PCDH15: variants seen among roughly 807,000 people sequenced by gnomAD.
The protein encoded by PCDH15 is protocadherin related 15.
PCDH15 carries 129 observed loss-of-function variants against 178.5 expected under a neutral mutation model. That is an observed-to-expected ratio of 0.72 (90% CI 0.63 to 0.84). PCDH15 has a LOEUF of 0.84. Ranked by LOEUF, PCDH15 falls within the 40% of genes least tolerant of loss-of-function variation. The probability of loss-of-function intolerance (pLI) is 0.00; values close to 1 mark genes in which losing one functional copy is unlikely to be tolerated. For missense variants in PCDH15, 2,230 were observed against 2,099.9 expected (o/e 1.06, Z -1.21); for synonymous variants, 800 against 732.0 (o/e 1.09, Z -1.50).
intron 1 of PCDH15, among the ~76,000 whole-genome samples, chr10:55,252,738 C>T (rs1841871758): frequency 6.6e-6 from 1 of 151,944 alleles, no homozygotes; most frequent in Non-Finnish European, 1.5e-5. Flanking sequence ...AAATGTTTCA[C>T]TATATCCTCA....
At chr10:55,167,165 G>A (rs184597302) in intron 1 of PCDH15, among the ~76,000 whole-genome samples, 2 of 152,228 alleles carry the variant, frequency 1.3e-5, no homozygotes, top group East Asian at 3.9e-4. Context: ...CCAGATTGGA[G>A]TGCAGTGGCA....
rs1554869615 is a variant in PCDH15 at position 55,442,475 on chromosome 10, T to TA, written c.-156+185149dup. On this transcript the variant is annotated intron_variant, in intron 2 of 5. Coordinates refer to the PCDH15 transcript ENST00000613346. ...TTTGATTATATATATATATATTATATATATATTATATATATATATATATAT... is the reference window on the plus strand; with the variant it reads ...TTTGATTATATATATATATATTATATAATATATTATATATATATATATATAT... Among the ~76,000 whole-genome samples, 213 of 58,082 alleles carry TA rather than the reference T, an allele frequency of 3.7e-3. 3 individuals are homozygous for TA. The East Asian group carries it at 0.16, about 45-fold the overall frequency. 38.1% of individuals were successfully genotyped at this position (58,082 alleles called of 152,430 possible). A position where few individuals can be genotyped will look rare whatever the true frequency, so the allele number is the denominator to read the frequency against.
At chr10:54,749,087 C>A (rs1945849068) in intron 1 of PCDH15, among the ~76,000 whole-genome samples, 1 of 152,088 alleles carries the variant, frequency 6.6e-6, no homozygotes, top group Non-Finnish European at 1.5e-5. Context: ...ACATAATAAA[C>A]CTGATAGTGC....
chr10:54,045,849 A>C (rs2093644148), intron 18 of PCDH15, among the ~76,000 whole-genome samples: 1 of 152,068 alleles, frequency 6.6e-6, no homozygotes, highest in Admixed American at 6.6e-5. Context: ...TGATAATCTT[A>C]AAATTTAAAT....
chr10:54,941,672 G>C (rs1838066377), intron 2 of PCDH15, among the ~76,000 whole-genome samples: 1 of 151,900 alleles, frequency 6.6e-6, no homozygotes. Context: ...GTAATTTTTT[G>C]TTAAAACCTA....
intron 1 of PCDH15, among the ~76,000 whole-genome samples, chr10:54,680,821 C>T (rs1182139331): frequency 2.0e-5 from 3 of 152,160 alleles, no homozygotes; most frequent in Non-Finnish European, 2.9e-5. Context: ...GTCAATTAAA[C>T]CTCTTTCCTT....
intron 18 of PCDH15, among the ~76,000 whole-genome samples, chr10:54,029,614 T>C (rs762712844): frequency 6.6e-6 from 1 of 152,166 alleles, no homozygotes; most frequent in African/African-American, 2.4e-5. Flanking sequence ...TTAGAGTATA[T>C]GAAAGACAAC....
chr10:55,222,730 CATATATATATATATATATATATATATAT>C (rs142618720), intron 1 of PCDH15, among the ~76,000 whole-genome samples: 1 of 121,266 alleles, frequency 8.2e-6, no homozygotes, highest in Non-Finnish European at 1.7e-5. Context: ...CACACACACA[CATATATATATATATATATATATATATAT>C]ATATATATAT....
rs1257022357 is a variant in PCDH15, at chr10:53,803,782, T to C, written c.*2797A>G. 6.6e-6 allele frequency: 1 copy of C among 151,980 alleles called. No individual in the cohort carries two copies. The highest frequency in any genetic ancestry group is 1.5e-5 in the Non-Finnish European group (1 of 67,882). 9.4% of individuals were successfully genotyped at this position (151,980 alleles called of 1,614,324 possible). ...ACCTTCTAAAATCAACGGGTTGCAA[T>C]ATTAGTCATTACATCATTCTGTTCT... On this transcript the variant is annotated 3_prime_UTR_variant, in exon 38 of 38. Transcript: ENST00000644397.
intron 5 of PCDH15, among the ~76,000 whole-genome samples, chr10:54,364,612 CT>C (rs201811770): frequency 4.6e-5 from 7 of 151,780 alleles, no homozygotes; most frequent in African/African-American, 9.7e-5. Flanking sequence ...TGTTTCCTTG[CT>C]TTTTTTTCTT....
At chr10:54,469,846 A>G (rs2136658064) in intron 3 of PCDH15, among the ~76,000 whole-genome samples, 1 of 152,242 alleles carries the variant, frequency 6.6e-6, no homozygotes, top group African/African-American at 2.4e-5. Context: ...GGTGGCTGTG[A>G]CAGGCTGCAA....
chr10:55,315,409 C>A (rs1424175166), intron 1 of PCDH15, among the ~76,000 whole-genome samples: 1 of 152,022 alleles, frequency 6.6e-6, no homozygotes, highest in Non-Finnish European at 1.5e-5. Flanking sequence ...GATGACAAAA[C>A]CTTATTGAAA....
rs564867104 is a variant in PCDH15 at position 54,193,396 on chromosome 10, T to G, written c.1305+2287A>C. ...AACTACCTAACTTTAGATTTAGATT[T>G]TTCTAACCACCAGTTCTATTAAGGT... On this transcript the variant is annotated intron_variant, in intron 11 of 37. Transcript: ENST00000644397. 3.5e-4 allele frequency among the ~76,000 whole-genome samples: 53 copies of G among 152,208 alleles called. 1 individual carries two copies. Among genetic ancestry groups the G allele is most frequent in the Non-Finnish European group, 5.6e-4 (38 of 68,030 alleles).
chr10:53,971,905 CA>C (rs1329968936), intron 21 of PCDH15, among the ~76,000 whole-genome samples: 2 of 152,126 alleles, frequency 1.3e-5, no homozygotes, highest in Non-Finnish European at 2.9e-5. Flanking sequence ...ATCAAGCTAC[CA>C]ATGACTTTCT....
rs187690641 is a variant in PCDH15 at position 54,911,633 on chromosome 10, T to C, written c.-79-14133A>G. 1.0e-3 allele frequency among the ~76,000 whole-genome samples: 156 copies of C among 152,294 alleles called. 1 individual carries two copies. The highest frequency in any genetic ancestry group is 7.1e-4 in the Non-Finnish European group (48 of 68,010). On this transcript the variant is annotated intron_variant, in intron 2 of 5. Coordinates refer to the PCDH15 transcript ENST00000458638. ...TTTGAGTCCCTACCTAAATCTCATA[T>C]TGAATTGTAATCCCCAGGTGTCAAG...
At chr10:55,430,305 A>AT (rs386371429) in intron 2 of PCDH15, among the ~76,000 whole-genome samples, 1 of 30,172 alleles carries the variant, frequency 3.3e-5, no homozygotes, top group Non-Finnish European at 8.8e-5. Flanking sequence ...ATAAATAAAT[A>AT]GTTGAAAGTG....
chr10:54,157,142 C>T (rs2045240702), intron 13 of PCDH15, among the ~76,000 whole-genome samples: 1 of 152,172 alleles, frequency 6.6e-6, no homozygotes, highest in Non-Finnish European at 1.5e-5. Flanking sequence ...AGGACAGTGG[C>T]ACTCTTCTCA....
At chr10:54,438,427 T>C (rs2075577633) in intron 3 of PCDH15, among the ~76,000 whole-genome samples, 1 of 152,086 alleles carries the variant, frequency 6.6e-6, no homozygotes, top group Admixed American at 6.6e-5. Flanking sequence ...TGCTCACTTC[T>C]TGCTAACACT....
intron 9 of PCDH15, among the ~76,000 whole-genome samples, chr10:54,227,707 T>A (rs2053604388): frequency 6.6e-6 from 1 of 152,220 alleles, no homozygotes; most frequent in Non-Finnish European, 1.5e-5. Context: ...TTATGCTCTG[T>A]TTCCCTAATA....
Sources: gnomAD v4.1 joint callset for allele counts (sites outside exome capture counted in the v4.1 genomes callset) on GRCh38, gnomAD v4.1.1 for gene constraint, MANE v1.5 for transcripts, NCBI Gene and HGNC (gene_info 2026-07-23, HGNC 2026-07-21) for gene names.